ZFYVE28: variants seen among roughly 807,000 people sequenced by gnomAD.
ZFYVE28 encodes lateral signaling target protein 2 homolog.
A neutral mutation model predicts 82.1 loss-of-function variants in ZFYVE28; 40 were observed. The ratio of observed to expected loss-of-function variants is 0.49; its 90% CI spans 0.38 to 0.63. The LOEUF is 0.63. Among genes scored for constraint, ZFYVE28 ranks in the 30% least tolerant of loss-of-function variants. The probability of loss-of-function intolerance (pLI) is 0.00; values close to 1 mark genes in which losing one functional copy is unlikely to be tolerated. For missense variants in ZFYVE28, 1,321 were observed against 1,242.1 expected, an observed-to-expected ratio of 1.06 and a Z score of -0.96; for synonymous variants, 612 against 546.1, an observed-to-expected ratio of 1.12 and a Z score of -1.68.
chr4:2,300,053 C>A lies in ZFYVE28; in HGVS notation c.2051+4236G>T, dbSNP rs566511574. ...CCTCAAGCAATACGCCTGCCTCAGC[C>A]CCCAAAGTGCTGGGAATACAAGCAT... On this transcript the variant is annotated intron_variant, in intron 8 of 12. Transcript: ENST00000290974. This position sits in a 1 kb window ranked among gnomAD's most constrained non-coding sequence, Gnocchi z 4.6. Among the ~76,000 whole-genome samples, 1 of 152,272 alleles carries A rather than the reference C, an allele frequency of 6.6e-6. No individual in the cohort carries two copies. The highest frequency in any genetic ancestry group is 2.1e-4 in the South Asian group (1 of 4,820).
At chr4:2,399,681 A>T (rs1422348071) in intron 1 of ZFYVE28, among the ~76,000 whole-genome samples, 2 of 152,224 alleles carry the variant, frequency 1.3e-5, no homozygotes, top group Non-Finnish European at 2.9e-5. Context: ...TGGCCTACAG[A>T]GAAGCCGCCT....
At chr4:2,354,432 G>A (rs1057138605) in intron 1 of ZFYVE28, among the ~76,000 whole-genome samples, 8 of 151,032 alleles carry the variant, frequency 5.3e-5, no homozygotes, top group African/African-American at 2.0e-4. Context: ...CGCTCCAGGC[G>A]ACAAAAGCAG....
intron 8 of ZFYVE28, among the ~76,000 whole-genome samples, chr4:2,290,687 C>G: frequency 6.6e-6 from 1 of 152,224 alleles, no homozygotes; most frequent in East Asian, 1.9e-4. Flanking sequence ...TCACCCCTCT[C>G]CTGCTGTGGG....
chr4:2,279,261 GTC>G (rs1711575809), intron 8 of ZFYVE28, among the ~76,000 whole-genome samples: 1 of 152,080 alleles, frequency 6.6e-6, no homozygotes, highest in African/African-American at 2.4e-5. Context: ...GTGAAACCCC[GTC>G]TCTACTGAAA....
At position 2,346,351 on chromosome 4, in the gene ZFYVE28, AAAAG is replaced by A. The variant is rs1225544327; in HGVS notation, c.181-4740_181-4737del. 1.9e-3 allele frequency among the ~76,000 whole-genome samples: 286 copies of A among 148,868 alleles called. 2 individuals are homozygous for A. Among genetic ancestry groups the A allele is most frequent in the African/African-American group, 2.0e-3 (82 of 40,122 alleles). On this transcript the variant is annotated intron_variant, in intron 2 of 12. Transcript: ENST00000290974. ...AGCGAGACTCCATCTCAAAAAAAAAAAAAGAAAGAAAGAAAGAAAGAAATTCTTT... is the reference window on the plus strand; with the variant it reads ...AGCGAGACTCCATCTCAAAAAAAAAAAAAGAAAGAAAGAAAGAAATTCTTT...
chr4:2,402,000 G>A (rs1402918985), intron 1 of ZFYVE28, among the ~76,000 whole-genome samples: 3 of 152,240 alleles, frequency 2.0e-5, no homozygotes, highest in Non-Finnish European at 2.9e-5. Context: ...CGACGACCCT[G>A]AGGCTTTGTC....
chr4:2,371,007 C>T (rs776586827), intron 1 of ZFYVE28, among the ~76,000 whole-genome samples: 5 of 152,338 alleles, frequency 3.3e-5, no homozygotes, highest in Admixed American at 6.5e-5. Flanking sequence ...CTGGGGTGAA[C>T]GTGGACGCAG....
chr4:2,306,239 G>A (rs2031727), intron 7 of ZFYVE28, among the ~76,000 whole-genome samples: 28,319 of 152,266 alleles, frequency 0.19, 2,986 homozygotes, highest in Middle Eastern at 0.27. Flanking sequence ...CCTACAGGCC[G>A]ACTGTGGGCT....
intron 8 of ZFYVE28, among the ~76,000 whole-genome samples, chr4:2,292,980 G>A (rs985184168): frequency 9.2e-5 from 14 of 152,188 alleles, no homozygotes; most frequent in African/African-American, 2.6e-4. Flanking sequence ...AAGGCTGGCC[G>A]AACATCTGAA....
chr4:2,401,044 C>T (rs1731117177), intron 1 of ZFYVE28, among the ~76,000 whole-genome samples: 1 of 152,212 alleles, frequency 6.6e-6, no homozygotes, highest in Admixed American at 6.5e-5. Flanking sequence ...AGACGTCACA[C>T]ACACCCTGAG....
At chr4:2,337,737 G>A (rs991508042) in intron 4 of ZFYVE28, among the ~76,000 whole-genome samples, 16 of 152,302 alleles carry the variant, frequency 1.1e-4, no homozygotes, top group African/African-American at 2.9e-4. Context: ...GTGTGGTGGT[G>A]GCAGGCACCT....
At chr4:2,350,926 G>A (rs1393127158) in intron 2 of ZFYVE28, among the ~76,000 whole-genome samples, 3 of 152,212 alleles carry the variant, frequency 2.0e-5, no homozygotes, top group Non-Finnish European at 4.4e-5. Flanking sequence ...CTCTTCATCA[G>A]GCTGTTCATC....
intron 2 of ZFYVE28, among the ~76,000 whole-genome samples, chr4:2,348,682 C>T (rs1723929760): frequency 6.6e-6 from 1 of 152,194 alleles, no homozygotes; most frequent in South Asian, 2.1e-4. Context: ...GGCAGAATCT[C>T]TGGGATTGGG....
At chr4:2,308,629 G>GAAAGAAAGAA (rs1338481658) in intron 7 of ZFYVE28, among the ~76,000 whole-genome samples, 10 of 84,806 alleles carry the variant, frequency 1.2e-4, no homozygotes, top group African/African-American at 4.1e-4. Context: ...AAAGAAGACA[G>GAAAGAAAGAA]AAAGAAAGAA....
At chr4:2,414,537 A>T (rs1732841765) in intron 1 of ZFYVE28, among the ~76,000 whole-genome samples, 1 of 152,248 alleles carries the variant, frequency 6.6e-6, no homozygotes, top group South Asian at 2.1e-4. Context: ...CTGGGGGTGC[A>T]GACAAGCGAG....
In ZFYVE28 at chr4:2,274,229, G is replaced by T; in HGVS notation, c.2052-13C>A. The stretch of plus-strand genomic sequence containing the variant: ...AGCTGTGGAGCTGCTGCATGGAGAA[G>T]GAGATACCGGTGTGTGGGGTGGGGC... On this transcript the variant is annotated splice_polypyrimidine_tract_variant and intron_variant, in intron 8 of 12. Coordinates refer to ENST00000290974, the MANE Select transcript of ZFYVE28 (RefSeq NM_020972.3). The T allele has an allele frequency of 6.2e-7, 1 of 1,609,318 alleles. No homozygotes were observed. The highest frequency in any genetic ancestry group is 2.2e-5 in the East Asian group (1 of 44,724).
intron 8 of ZFYVE28, among the ~76,000 whole-genome samples, chr4:2,298,701 G>A (rs529017774): frequency 3.9e-5 from 6 of 152,354 alleles, no homozygotes; most frequent in East Asian, 3.9e-4. Context: ...AGAGGCGCCC[G>A]ACTGCACGAC....
intron 8 of ZFYVE28, among the ~76,000 whole-genome samples, chr4:2,280,952 G>T (rs55828254): frequency 0.072 from 10,931 of 152,300 alleles, 576 homozygotes; most frequent in Non-Finnish European, 0.1. Flanking sequence ...TGTGGCATAA[G>T]AACAATGGCT....
At chr4:2,325,650 G>A (rs934097931) in intron 6 of ZFYVE28, among the ~76,000 whole-genome samples, 1 of 123,848 alleles carries the variant, frequency 8.1e-6, no homozygotes, top group African/African-American at 3.1e-5. Context: ...TGCCCAGACT[G>A]TAATTCAATG....
Sources: allele counts gnomAD v4.1 joint callset (sites outside exome capture counted in the v4.1 genomes callset), GRCh38; gene constraint gnomAD v4.1.1; non-coding constraint Gnocchi (gnomAD v3.1); transcripts MANE v1.5; gene names NCBI Gene and HGNC (gene_info 2026-07-23, HGNC 2026-07-21).